Variants in PAN2 observed in about 807,000 individuals in gnomAD.
The protein encoded by PAN2 is PAN2-PAN3 deadenylation complex catalytic subunit PAN2.
A neutral mutation model predicts 133.3 loss-of-function variants in PAN2; 68 were observed. The ratio of observed to expected loss-of-function variants is 0.51; its 90% CI spans 0.42 to 0.62. PAN2 has a LOEUF of 0.62. PAN2 is among the 20% of genes least tolerant of loss of function. PAN2 has a pLI of 0.00. For synonymous variants in PAN2, 462 were observed against 544.6 expected (o/e 0.85, Z 2.11); for missense variants, 1,042 against 1,500.5 (o/e 0.69, Z 5.05).
chr12:56,329,607 A>C (rs1474880813), intron 2 of PAN2, among the ~76,000 whole-genome samples: 45 of 151,938 alleles, frequency 3.0e-4, no homozygotes. Context: ...CTAGGATTAC[A>C]GGCATCAGTC....
chr12:56,325,394 A>T lies in PAN2; in HGVS notation c.1420T>A (p.Ser474Thr). The change falls in exon 9 of 26, where the codon TCA (serine) becomes ACA (threonine). Residue 474 changes from serine (S) to threonine (T), a missense_variant. This residue lies in a region of PAN2 where 908 missense variants were observed against 1,223.5 expected (regional missense o/e 0.74). Transcript: ENST00000440411. The part of the protein sequence containing the change: ...EFDSFSQVTE[S>T]PVGREEEPHL... ...GGTTCCTCTTCTCGTCCTACTGGTG[A>T]CTCAGTGACCTGGCTGAAGCTGTCA... 1 of 1,614,072 alleles carries T rather than the reference A, an allele frequency of 6.2e-7. No individual in the cohort carries two copies. Among genetic ancestry groups the T allele is most frequent in the African/African-American group, 1.3e-5 (1 of 74,994 alleles).
chr12:56,323,975 AC>A (rs1874845871), intron 13 of PAN2, 62 bp from the exon 14 acceptor site: 1 of 1,608,878 alleles, frequency 6.2e-7, no homozygotes, highest in Non-Finnish European at 8.5e-7. Flanking sequence ...AGTCCCCAAC[AC>A]CCTCTCCCTG....
rs2135973861 is a variant in PAN2, at chr12:56,325,015, C to T, written c.1593G>A (p.Met531Ile). The T allele has an allele frequency of 6.2e-7, 1 of 1,613,998 alleles. No homozygotes were observed. Among genetic ancestry groups the T allele is most frequent in the East Asian group, 2.2e-5 (1 of 44,886 alleles). ...AGGAATACCCAACCCTTACCTGGAT[C>T]ATGCAGTTACAGTAGGCGTTGGGAA... ...PHIPNAYCNCMIQVLYFLEPV... is the reference protein window; with the variant it reads ...PHIPNAYCNCIIQVLYFLEPV... Residue 531 changes from methionine (M) to isoleucine (I), a missense_variant, in exon 10 of 26, where the codon ATG (methionine) becomes ATA (isoleucine). Around this residue, in one of 3 missense-constraint regions of PAN2, gnomAD observed 908 missense variants for 1,223.5 expected, o/e 0.74. Transcript: ENST00000440411.
rs1875375777 is a variant in PAN2 at position 56,328,545 on chromosome 12, T to A, written c.379A>T (p.Asn127Tyr). The A allele has an allele frequency of 6.2e-7, 1 of 1,614,068 alleles. No individual in the cohort carries two copies. The highest frequency in any genetic ancestry group is 8.5e-7 in the Non-Finnish European group (1 of 1,180,024). ...DDIRQIQSLENGILFLTKNNL... is the reference protein window; with the variant it reads ...DDIRQIQSLEYGILFLTKNNL... ...TTCTTGGTGAGAAAAAGGATACCAT[T>A]CTCCAGGCTCTGGATCTGCCGAATA... Residue 127 changes from asparagine (N) to tyrosine (Y), a missense_variant, in exon 3 of 26, where the codon AAT (asparagine) becomes TAT (tyrosine). Transcript: ENST00000440411.
chr12:56,322,263 G>T (rs1361051441), intron 19 of PAN2, 95 bp from the exon 20 acceptor site: 2 of 1,078,724 alleles, frequency 1.9e-6, no homozygotes, highest in Non-Finnish European at 2.8e-6. Context: ...GCTAGTTTTT[G>T]TTTTTTTTCA....
At chr12:56,320,379 T>C (rs1255383765) in intron 20 of PAN2, among the ~76,000 whole-genome samples, 2 of 152,338 alleles carry the variant, frequency 1.3e-5, no homozygotes, top group South Asian at 2.1e-4. Flanking sequence ...GGCTAATGCC[T>C]GTAATCCCAG....
At chr12:56,325,561 T>G in intron 8 of PAN2, 107 bp from the exon 9 acceptor site, 6 of 1,177,246 alleles carry the variant, frequency 5.1e-6, no homozygotes, top group Non-Finnish European at 7.4e-6. Context: ...ACCTTCTATA[T>G]TCATAGCACT....
At chr12:56,326,438 A>C in intron 7 of PAN2, 29 bp from the exon 8 acceptor site, 7 of 1,558,816 alleles carry the variant, frequency 4.5e-6, no homozygotes, top group Non-Finnish European at 6.1e-6. Flanking sequence ...CTAGGACTTA[A>C]AGAGTTGTGG....
At chr12:56,328,820 T>C (rs1176602722) in intron 2 of PAN2, among the ~76,000 whole-genome samples, 179 bp from the exon 3 acceptor site, 1 of 152,234 alleles carries the variant, frequency 6.6e-6, no homozygotes, top group Non-Finnish European at 1.5e-5. Flanking sequence ...ACACTGATAA[T>C]ACTGTCTTAT....
At chr12:56,329,550 C>A (rs1211569977) in intron 2 of PAN2, among the ~76,000 whole-genome samples, 1 of 150,626 alleles carries the variant, frequency 6.6e-6, no homozygotes, top group Non-Finnish European at 1.5e-5. Context: ...AGGCTGGTTT[C>A]GAACTCCTGA....
At chr12:56,332,631 T>A in intron 2 of PAN2, 182 bp downstream of exon 2, 4 of 564,252 alleles carry the variant, frequency 7.1e-6, no homozygotes, top group Admixed American at 2.9e-5. Flanking sequence ...GGATGCCTCC[T>A]GAGAAAGAAT....
At chr12:56,326,218 C>T (rs1875105869) in intron 8 of PAN2, 95 bp downstream of exon 8, 29 of 1,192,398 alleles carry the variant, frequency 2.4e-5, no homozygotes, top group Non-Finnish European at 3.3e-5. Context: ...TGGTTACCAA[C>T]AGGATCTAAA....
chr12:56,331,935 G>C (rs1592450908), intron 2 of PAN2, among the ~76,000 whole-genome samples: 1 of 151,974 alleles, frequency 6.6e-6, no homozygotes, highest in East Asian at 1.9e-4. Flanking sequence ...GGATGGTCTC[G>C]ATCTCCTGAC....
chr12:56,324,481 G>A lies in PAN2; in HGVS notation c.1741C>T (p.Leu581Phe). 1 of 1,613,460 alleles carries A rather than the reference G, an allele frequency of 6.2e-7. No homozygotes were observed. Among genetic ancestry groups the A allele is most frequent in the Non-Finnish European group, 8.5e-7 (1 of 1,179,464 alleles). The change falls in exon 12 of 26, where the codon CTT (leucine) becomes TTT (phenylalanine). Residue 581 changes from leucine (L) to phenylalanine (F), a missense_variant. Leu to Phe is a conservative substitution (Grantham distance 22). Transcript: ENST00000440411. ...TCAGGAATAGTACGGAATGCCCGAAGAAAATTATTGCCCTGGAAATGTGTT... is the reference window on the plus strand; with the variant it reads ...TCAGGAATAGTACGGAATGCCCGAAAAAAATTATTGCCCTGGAAATGTGTT... ...RGDPCQGNNFLRAFRTIPEAS... is the reference protein window; with the variant it reads ...RGDPCQGNNFFRAFRTIPEAS...
chr12:56,320,421 T>G (rs971071105), intron 20 of PAN2, among the ~76,000 whole-genome samples: 4 of 151,554 alleles, frequency 2.6e-5, no homozygotes, highest in African/African-American at 9.7e-5. Flanking sequence ...GCGGATCACC[T>G]GAGGTCAGGA....
In PAN2 at chr12:56,324,377, C is replaced by A; in HGVS notation, c.1845G>T (p.Arg615Ser). The change falls in exon 12 of 26, where the codon AGG (arginine) becomes AGT (serine). Residue 615 changes from arginine (R) to serine (S), a missense_variant. Physicochemically the swap from Arg to Ser is moderately radical, Grantham distance 110. Transcript: ENST00000440411. The part of the protein sequence containing the change: ...GKGNLARLIQ[R>S]WNRFILTQLH... ...GTTGAGTGAGAATGAAGCGATTCCA[C>A]CTCTGAATGAGCCTGGCCAGATTGC... is the stretch of plus-strand genomic sequence containing the variant. 1 of 1,614,212 alleles carries A rather than the reference C, an allele frequency of 6.2e-7. No homozygotes were observed. Among genetic ancestry groups the A allele is most frequent in the Non-Finnish European group, 8.5e-7 (1 of 1,180,046 alleles).
rs561118276 is a variant in PAN2 at position 56,319,836 on chromosome 12, A to C, written c.2946+28T>G. 14 of 1,614,076 alleles carry C rather than the reference A, an allele frequency of 8.7e-6. No homozygotes were observed. In the African/African-American group the frequency reaches 1.9e-4, roughly 22 times the overall value. On this transcript the variant is annotated intron_variant, in intron 21 of 25. Coordinates refer to ENST00000440411, the MANE Select transcript of PAN2 (RefSeq NM_014871.6). The surrounding 1 kb of genome is among the most constrained non-coding windows in gnomAD (Gnocchi z 5.4). ...CCTAATATCCTCAGCGTTCTCTTCCAATGCCCCATCCCTTTGGTCTTGGTT... is the reference window on the plus strand; with the variant it reads ...CCTAATATCCTCAGCGTTCTCTTCCCATGCCCCATCCCTTTGGTCTTGGTT...
At chr12:56,317,857 A>G (rs901431084) in intron 25 of PAN2, among the ~76,000 whole-genome samples, 2 of 152,244 alleles carry the variant, frequency 1.3e-5, no homozygotes, top group African/African-American at 4.8e-5. Context: ...TAAACTGTTA[A>G]GTGCTATTCT....
At chr12:56,332,440 T>A (rs1875995838) in intron 2 of PAN2, among the ~76,000 whole-genome samples, 2 of 152,028 alleles carry the variant, frequency 1.3e-5, no homozygotes, top group Admixed American at 6.6e-5. Flanking sequence ...AAAAATTTTT[T>A]AAAAATTAGC....
Sources: gnomAD v4.1 joint callset for allele counts (sites outside exome capture counted in the v4.1 genomes callset) on GRCh38, gnomAD v4.1.1 for gene constraint, gnomAD v4.1.1 regional missense constraint, Gnocchi (gnomAD v3.1) non-coding constraint, MANE v1.5 for transcripts, NCBI Gene and HGNC (gene_info 2026-07-23, HGNC 2026-07-21) for gene names.